RBFOX1: variants seen among roughly 807,000 people sequenced by gnomAD.
RBFOX1 encodes the protein RNA binding protein fox-1 homolog 1.
RBFOX1 carries 8 observed loss-of-function variants against 57.7 expected under a neutral mutation model. The ratio of observed to expected loss-of-function variants is 0.14; its 90% CI spans 0.08 to 0.25. RBFOX1 has a LOEUF of 0.25. Among genes scored for constraint, RBFOX1 ranks in the 10% least tolerant of loss-of-function variants. RBFOX1 has a pLI of 1.00. For missense variants in RBFOX1, 611 were observed against 548.5 expected (o/e 1.11, Z -1.14); for synonymous variants, 326 against 222.4 (o/e 1.47, Z -4.15).
intron 3 of RBFOX1, among the ~76,000 whole-genome samples, chr16:5,866,092 C>T (rs766585554): frequency 2.6e-5 from 4 of 152,136 alleles, no homozygotes; most frequent in Non-Finnish European, 5.9e-5. Flanking sequence ...CTCAGCCTCC[C>T]GAGTAGCTGC....
intron 1 of RBFOX1, among the ~76,000 whole-genome samples, chr16:6,161,717 A>G (rs896606097): frequency 2.6e-5 from 4 of 152,306 alleles, no homozygotes; most frequent in African/African-American, 7.2e-5. Context: ...ATTGTCATCT[A>G]CACACACCTG....
chr16:6,207,167 C>A (rs570500626), intron 1 of RBFOX1, among the ~76,000 whole-genome samples: 25 of 152,304 alleles, frequency 1.6e-4, no homozygotes, highest in Non-Finnish European at 2.8e-4. Flanking sequence ...AACCCTGCTG[C>A]TGCTGGACTC....
At chr16:5,906,171 T>G (rs1434153488) in intron 4 of RBFOX1, among the ~76,000 whole-genome samples, 1 of 152,142 alleles carries the variant, frequency 6.6e-6, no homozygotes, top group Non-Finnish European at 1.5e-5. Flanking sequence ...ACTGGTGAAG[T>G]CCTAGGCCTC....
chr16:5,399,374 T>C (rs1350124175), intron 1 of RBFOX1, among the ~76,000 whole-genome samples: 1 of 152,182 alleles, frequency 6.6e-6, no homozygotes, highest in African/African-American at 2.4e-5. Context: ...CTAATGTGTA[T>C]TTTGAAATAT....
chr16:7,120,824 T>TATAC (rs1555490957), intron 4 of RBFOX1, among the ~76,000 whole-genome samples: 1 of 4,530 alleles, frequency 2.2e-4, no homozygotes, highest in Non-Finnish European at 4.6e-4. Context: ...TTTATATATG[T>TATAC]ATATATACAC....
intron 4 of RBFOX1, among the ~76,000 whole-genome samples, chr16:7,446,724 C>G (rs1013100563): frequency 1.3e-5 from 2 of 149,494 alleles, no homozygotes; most frequent in African/African-American, 4.9e-5. Flanking sequence ...GAATTTTTCT[C>G]TTACTAAAGA....
intron 15 of RBFOX1, chr16:7,709,826 C>G: frequency 7.9e-7 from 1 of 1,261,576 alleles, no homozygotes; most frequent in Non-Finnish European, 1.0e-6. Flanking sequence ...CTTCTATGCA[C>G]TGAAACTCTT....
intron 1 of RBFOX1, among the ~76,000 whole-genome samples, chr16:6,051,766 A>C (rs1210863629): frequency 6.6e-6 from 1 of 152,124 alleles, no homozygotes; most frequent in Non-Finnish European, 1.5e-5. Flanking sequence ...GTTTCATCAT[A>C]TTAGTCAGGC....
chr16:5,866,646 A>G (rs2057349615), intron 3 of RBFOX1, among the ~76,000 whole-genome samples: 1 of 152,216 alleles, frequency 6.6e-6, no homozygotes, highest in African/African-American at 2.4e-5. Flanking sequence ...CATCTACGTG[A>G]CTTTATGTTG....
chr16:5,623,913 T>G (rs1045810365), intron 3 of RBFOX1, among the ~76,000 whole-genome samples: 3 of 152,202 alleles, frequency 2.0e-5, no homozygotes, highest in Non-Finnish European at 2.9e-5. Context: ...TGGTTTTTTA[T>G]TATTCACAGA....
chr16:7,154,018 A>G (rs1190480235), intron 4 of RBFOX1, among the ~76,000 whole-genome samples: 1 of 152,168 alleles, frequency 6.6e-6, no homozygotes, highest in Admixed American at 6.5e-5. Context: ...ATCCATCATC[A>G]TTATCATAGT....
chr16:6,054,785 T>A (rs2095594607), intron 1 of RBFOX1, among the ~76,000 whole-genome samples: 1 of 152,064 alleles, frequency 6.6e-6, no homozygotes. Flanking sequence ...CTTTTTTTAT[T>A]ATTATTATTA....
intron 3 of RBFOX1, among the ~76,000 whole-genome samples, chr16:6,829,244 CAG>C (rs2092492504): frequency 1.1e-5 from 1 of 92,080 alleles, no homozygotes; most frequent in African/African-American, 4.6e-5. Context: ...GAAATGCAGT[CAG>C]AAAAAAAAAA....
At chr16:5,478,986 C>T (rs568081203) in intron 2 of RBFOX1, among the ~76,000 whole-genome samples, 77 of 152,292 alleles carry the variant, frequency 5.1e-4, no homozygotes, top group African/African-American at 1.9e-3. Flanking sequence ...CCTTTACCCC[C>T]TACCCATACC....
chr16:5,858,255 C>G (rs1298841478), intron 3 of RBFOX1, among the ~76,000 whole-genome samples: 1 of 152,158 alleles, frequency 6.6e-6, no homozygotes, highest in African/African-American at 2.4e-5. Flanking sequence ...CCCAGAGAGC[C>G]TCAGCACCCA....
chr16:6,855,130 A>G (rs1056258633), intron 3 of RBFOX1, among the ~76,000 whole-genome samples: 4 of 152,030 alleles, frequency 2.6e-5, no homozygotes, highest in Admixed American at 1.3e-4. Context: ...TTCCAGCACT[A>G]TACTGTAAAT....
intron 3 of RBFOX1, among the ~76,000 whole-genome samples, chr16:6,932,029 C>G (rs989241710): frequency 6.6e-6 from 1 of 152,152 alleles, no homozygotes; most frequent in African/African-American, 2.4e-5. Context: ...AGTAGCTAAC[C>G]TCCTGCAACA....
At chr16:6,727,861 A>G (rs2067610066) in intron 3 of RBFOX1, among the ~76,000 whole-genome samples, 1 of 152,322 alleles carries the variant, frequency 6.6e-6, no homozygotes, top group South Asian at 2.1e-4. Context: ...TGTTAGTGGC[A>G]TTAACTTACA....
chr16:7,275,413 T>C (rs1176071841), intron 4 of RBFOX1, among the ~76,000 whole-genome samples: 4 of 152,256 alleles, frequency 2.6e-5, no homozygotes, highest in Non-Finnish European at 4.4e-5. Context: ...TTATCAAATA[T>C]TTATCAGCAA....
Sources: allele counts gnomAD v4.1 joint callset (sites outside exome capture counted in the v4.1 genomes callset), GRCh38; gene constraint gnomAD v4.1.1; transcripts MANE v1.5; gene names NCBI Gene and HGNC (gene_info 2026-07-23, HGNC 2026-07-21).